TENM4: variants seen among roughly 807,000 people sequenced by gnomAD.
TENM4 encodes the protein teneurin transmembrane protein 4.
TENM4 carries 82 observed loss-of-function variants against 243.3 expected under a neutral mutation model. The ratio of observed to expected loss-of-function variants is 0.34; its 90% CI spans 0.28 to 0.40. The LOEUF (loss-of-function observed/expected upper bound fraction) is 0.40, where lower values mean the gene tolerates loss of function less well. Among genes scored for constraint, TENM4 ranks in the 10% least tolerant of loss-of-function variants. The pLI, the probability that TENM4 is intolerant of heterozygous loss-of-function variation, is 1.00. For missense variants in TENM4, 3,138 were observed against 3,673.3 expected, an observed-to-expected ratio of 0.85 and a Z score of 3.77; for synonymous variants, 1,412 against 1,456.3, an observed-to-expected ratio of 0.97 and a Z score of 0.69.
Position 78,658,116 on chromosome 11 carries a change from A to G in TENM4, c.8252T>C (p.Leu2751Pro). The G allele has an allele frequency of 6.2e-7, 1 of 1,614,018 alleles. No individual in the cohort carries two copies. The highest frequency in any genetic ancestry group is 8.5e-7 in the Non-Finnish European group (1 of 1,179,890). Residue 2751 changes from leucine to proline, a missense_variant, in exon 34 of 34, where the codon CTG becomes CCG. Around this residue, in one of 2 missense-constraint regions of TENM4, gnomAD observed 2,467 missense variants for 3,059.1 expected, o/e 0.81. Coordinates refer to ENST00000278550, the MANE Select transcript of TENM4 (RefSeq NM_001098816.3). The part of the protein sequence containing the change: ...FVISVEQYPE[L>P]SDSANNIHFM... ...GTGGATGTTGTTGGCGCTGTCTGAC[A>G]GTTCTGGGTACTGCTCGACAGAGAT...
chr11:79,204,298 T>C (rs1227890820), intron 3 of TENM4, among the ~76,000 whole-genome samples: 1 of 152,224 alleles, frequency 6.6e-6, no homozygotes, highest in East Asian at 1.9e-4. Context: ...AGCTGCTATT[T>C]TTAGAAAGTG....
At chr11:79,266,523 C>T (rs1233644614) in intron 2 of TENM4, among the ~76,000 whole-genome samples, 2 of 152,202 alleles carry the variant, frequency 1.3e-5, no homozygotes, top group Admixed American at 1.3e-4. Context: ...TTCTGAAAGG[C>T]ACAGGCCCTT....
intron 25 of TENM4, among the ~76,000 whole-genome samples, chr11:78,715,437 C>T (rs557848979): frequency 6.6e-6 from 1 of 152,274 alleles, no homozygotes; most frequent in East Asian, 1.9e-4. Context: ...TTAGATTAGC[C>T]CCCTGAGTTT....
chr11:78,846,509 C>T (rs1412196499), intron 12 of TENM4, among the ~76,000 whole-genome samples: 3 of 152,148 alleles, frequency 2.0e-5, no homozygotes, highest in Non-Finnish European at 4.4e-5. Flanking sequence ...CTGCAACTGG[C>T]GTCTACCACT....
intron 18 of TENM4, 72 bp from the exon 19 acceptor site, chr11:78,757,093 T>C: frequency 1.4e-6 from 2 of 1,429,718 alleles, no homozygotes; most frequent in Non-Finnish European, 1.9e-6. Flanking sequence ...AATGCCTTAA[T>C]TCATTTCTTC....
intron 6 of TENM4, among the ~76,000 whole-genome samples, chr11:78,932,865 G>A (rs1265544607): frequency 6.6e-6 from 1 of 152,182 alleles, no homozygotes; most frequent in African/African-American, 2.4e-5. Context: ...ACAGGAGGCG[G>A]AGCTCAGGTG....
chr11:79,364,871 C>G (rs146378649), intron 1 of TENM4, among the ~76,000 whole-genome samples: 135 of 152,302 alleles, frequency 8.9e-4, no homozygotes, highest in African/African-American at 3.2e-3. Context: ...TCTCTTTTCT[C>G]AAGTGCATTT....
chr11:79,150,742 C>T (rs1490103207), intron 3 of TENM4, among the ~76,000 whole-genome samples: 2 of 152,130 alleles, frequency 1.3e-5, no homozygotes, highest in African/African-American at 2.4e-5. Flanking sequence ...TTCTTTCCCC[C>T]CAAGGACTTT....
Position 79,069,981 on chromosome 11 carries a change from G to T in TENM4, c.-37C>A. 6.5e-7 allele frequency: 1 copy of T among 1,536,622 alleles called. No individual in the cohort carries two copies. On this transcript the variant is annotated 5_prime_UTR_variant, in exon 5 of 34. Coordinates refer to ENST00000278550, the MANE Select transcript of TENM4 (RefSeq NM_001098816.3). ...CGCGCTCCTCCACATCCACAAACAG[G>T]GTCCTCGCCGCACTCAGGGCCGAGT...
intron 1 of TENM4, among the ~76,000 whole-genome samples, chr11:79,333,660 C>T (rs1037006667): frequency 3.3e-5 from 5 of 152,200 alleles, no homozygotes; most frequent in African/African-American, 9.7e-5. Flanking sequence ...GCTACTAAAC[C>T]ATGTCTGGTC....
intron 1 of TENM4, among the ~76,000 whole-genome samples, chr11:79,435,605 G>T (rs1283755056): frequency 6.6e-6 from 1 of 152,164 alleles, no homozygotes; most frequent in Non-Finnish European, 1.5e-5. Flanking sequence ...TAATGGATGT[G>T]GGAGAAGTTA....
chr11:79,195,540 C>A (rs1489647205), intron 3 of TENM4, among the ~76,000 whole-genome samples: 1 of 152,168 alleles, frequency 6.6e-6, no homozygotes, highest in African/African-American at 2.4e-5. Flanking sequence ...CAAAGGAGAT[C>A]ATTTTGGAGC....
intron 1 of TENM4, among the ~76,000 whole-genome samples, chr11:79,379,075 A>C (rs1565322068): frequency 6.6e-6 from 1 of 152,140 alleles, no homozygotes; most frequent in East Asian, 1.9e-4. Context: ...AGTGTGAGGA[A>C]ATGCACATTT....
In TENM4 at chr11:79,379,869, G is replaced by T. The variant is rs926468088; in HGVS notation, c.-321+60640C>A. The stretch of plus-strand genomic sequence containing the variant: ...CTAGGGTTTAGGCTTGAGGAACGGG[G>T]CTAATGGTGGTGCTGTTTACAGATG... On this transcript the variant is annotated intron_variant, in intron 1 of 33. Coordinates refer to ENST00000278550, the MANE Select transcript of TENM4 (RefSeq NM_001098816.3). Among the ~76,000 whole-genome samples, 16 of 152,304 alleles carry T rather than the reference G, an allele frequency of 1.1e-4. No individual in the cohort carries two copies. The East Asian group carries it at 1.5e-3, about 15-fold the overall frequency.
rs142690819 is a variant in TENM4, at chr11:78,802,951, C to T, written c.2179+2341G>A. On this transcript the variant is annotated intron_variant, in intron 15 of 33. Transcript: ENST00000278550. ...AATGTCTTTGTTAATATCAAGTGCTCTACCAATGAGTGTTTTAATCATCAT... is the reference window on the plus strand; with the variant it reads ...AATGTCTTTGTTAATATCAAGTGCTTTACCAATGAGTGTTTTAATCATCAT... Among the ~76,000 whole-genome samples the T allele has an allele frequency of 5.2e-4, 79 of 152,274 alleles. 1 individual carries two copies. The highest frequency in any genetic ancestry group is 1.8e-3 in the African/African-American group (76 of 41,560).
chr11:79,001,063 C>T (rs944077011), intron 6 of TENM4, among the ~76,000 whole-genome samples: 4 of 152,124 alleles, frequency 2.6e-5, no homozygotes, highest in Non-Finnish European at 5.9e-5. Context: ...TAAATCCAAT[C>T]ATATAAATAA....
At chr11:78,732,054 G>C (rs1168597737) in intron 21 of TENM4, among the ~76,000 whole-genome samples, 1 of 152,188 alleles carries the variant, frequency 6.6e-6, no homozygotes, top group Admixed American at 6.5e-5. Context: ...AGAGTGGAAA[G>C]ACAGAGAGAA....
intron 1 of TENM4, among the ~76,000 whole-genome samples, chr11:79,397,823 G>T (rs897942510): frequency 1.3e-5 from 2 of 152,110 alleles, no homozygotes; most frequent in South Asian, 2.1e-4. Flanking sequence ...TTCTTCTGGG[G>T]CTTGTGAGCA....
intron 10 of TENM4, among the ~76,000 whole-genome samples, chr11:78,858,996 T>C (rs1178309847): frequency 1.3e-5 from 2 of 152,184 alleles, no homozygotes; most frequent in Non-Finnish European, 2.9e-5. Flanking sequence ...GGGATCCATC[T>C]TTATTTATTA....
Sources: allele counts gnomAD v4.1 joint callset (sites outside exome capture counted in the v4.1 genomes callset), GRCh38; gene constraint gnomAD v4.1.1; regional missense constraint gnomAD v4.1.1; transcripts MANE v1.5; gene names NCBI Gene and HGNC (gene_info 2026-07-23, HGNC 2026-07-21).